The following CEP295 variants were observed in gnomAD, a reference collection of about 807,000 sequenced individuals.
The protein encoded by CEP295 is centrosomal protein of 295 kDa.
In CEP295, 190 loss-of-function variants were observed where a neutral mutation model predicts 291.6. The ratio of observed to expected loss-of-function variants is 0.65; its 90% CI spans 0.58 to 0.73. The LOEUF (loss-of-function observed/expected upper bound fraction) is 0.73. Ranked by LOEUF, CEP295 falls within the 30% of genes least tolerant of loss-of-function variation. The pLI is 0.00. For missense variants in CEP295, 2,863 were observed against 2,949.4 expected, an observed-to-expected ratio of 0.97 and a Z score of 0.68; for synonymous variants, 993 against 1,038.8, an observed-to-expected ratio of 0.96 and a Z score of 0.85.
At chr11:93,710,035 G>A (rs1952794798) in intron 18 of CEP295, among the ~76,000 whole-genome samples, 2 of 152,248 alleles carry the variant, frequency 1.3e-5, no homozygotes, top group East Asian at 1.9e-4. Context: ...TAGTTTTCTT[G>A]TGGAGTCTTT....
rs1042771884 is a variant in CEP295 at position 93,678,782 on chromosome 11, T to C, written c.625-630T>C. 5.3e-5 allele frequency among the ~76,000 whole-genome samples: 8 copies of C among 152,288 alleles called. No homozygotes were observed. In the East Asian group the frequency reaches 5.8e-4, roughly 11 times the overall value. ...AAAGTAAATCCAGACTCTGTGCCTCTTTCTCTTTTTTGTGTTATTTATGTT... is the reference window on the plus strand; with the variant it reads ...AAAGTAAATCCAGACTCTGTGCCTCCTTCTCTTTTTTGTGTTATTTATGTT... On this transcript the variant is annotated intron_variant, in intron 6 of 29. Transcript: ENST00000325212.
chr11:93,715,401 C>G (rs1953174387), intron 18 of CEP295, among the ~76,000 whole-genome samples: 1 of 152,034 alleles, frequency 6.6e-6, no homozygotes, highest in African/African-American at 2.4e-5. Context: ...CCTCTCTGAC[C>G]CAGGGTAGGT....
chr11:93,700,969 A>C (rs975868827), intron 15 of CEP295, among the ~76,000 whole-genome samples: 1 of 152,072 alleles, frequency 6.6e-6, no homozygotes, highest in Non-Finnish European at 1.5e-5. Context: ...TGCTGCTTTT[A>C]TCTGAATTGT....
intron 6 of CEP295, among the ~76,000 whole-genome samples, chr11:93,676,059 A>G (rs1356001160): frequency 2.0e-5 from 3 of 152,070 alleles, no homozygotes; most frequent in Non-Finnish European, 4.4e-5. Context: ...ATATAAACAT[A>G]TACACACACT....
At chr11:93,721,183 T>C (rs1408172076) in intron 18 of CEP295, 129 bp from the exon 19 acceptor site, 8 of 628,618 alleles carry the variant, frequency 1.3e-5, no homozygotes, top group Non-Finnish European at 2.3e-5. Flanking sequence ...ACAAGACAAC[T>C]TTAAGAAGCA....
chr11:93,662,737 T>C (rs1950044019), intron 1 of CEP295, among the ~76,000 whole-genome samples: 2 of 152,228 alleles, frequency 1.3e-5, no homozygotes, highest in Non-Finnish European at 2.9e-5. Flanking sequence ...CATCAATGGA[T>C]ACTAACGTCA....
chr11:93,726,679 ATTCTCTT>A (rs1268767621), intron 23 of CEP295: 1 of 237,176 alleles, frequency 4.2e-6, no homozygotes, highest in African/African-American at 2.3e-5. Context: ...TGGATGCTTT[ATTCTCTT>A]TTCTGTTATT....
chr11:93,727,840 C>T (rs1263453899), intron 24 of CEP295: 7 of 483,822 alleles, frequency 1.4e-5, no homozygotes, highest in Non-Finnish European at 2.5e-5. Flanking sequence ...AAACAAAATA[C>T]AAGCAAAACT....
At chr11:93,722,990 G>T in intron 20 of CEP295, 51 bp from the exon 21 acceptor site, 1 of 1,491,732 alleles carries the variant, frequency 6.7e-7, no homozygotes, top group South Asian at 1.3e-5. Context: ...TTACAGGCGT[G>T]AGCCATCACG....
intron 12 of CEP295, among the ~76,000 whole-genome samples, chr11:93,693,055 A>G (rs975606305): frequency 6.6e-6 from 1 of 151,576 alleles, no homozygotes; most frequent in Non-Finnish European, 1.5e-5. Context: ...AGGCGGGTGG[A>G]TCACGAGGTC....
chr11:93,713,682 T>G (rs1397094899), intron 18 of CEP295, among the ~76,000 whole-genome samples: 1 of 152,236 alleles, frequency 6.6e-6, no homozygotes, highest in Non-Finnish European at 1.5e-5. Flanking sequence ...TCTGTTCCTC[T>G]TGTACTTGAA....
chr11:93,724,750 G>C (rs773761119), intron 22 of CEP295, among the ~76,000 whole-genome samples: 131 of 151,986 alleles, frequency 8.6e-4, no homozygotes, highest in Non-Finnish European at 3.5e-4. Flanking sequence ...CTGGGTGACA[G>C]AGCCAGACCC....
chr11:93,718,849 G>A lies in CEP295; in HGVS notation c.5750-2463G>A, dbSNP rs1308462109. ...ATGTCAGCCAGGCACGGTGGCTCAC[G>A]CCTGTAATCCCAGCACTTAGGGAGG... On this transcript the variant is annotated intron_variant, in intron 18 of 29. Transcript: ENST00000325212. Among the ~76,000 whole-genome samples, 4 of 152,102 alleles carry A rather than the reference G, an allele frequency of 2.6e-5. No individual in the cohort carries two copies. In the East Asian group the frequency reaches 5.8e-4, roughly 22 times the overall value.
Position 93,697,092 on chromosome 11 carries a change from C to T in CEP295, c.2180C>T (p.Pro727Leu). ...ETQQRDYKLV[P>L]KDSETLSRAL... ...CAACAGAGAGACTATAAATTGGTCC[C>T]CAAAGATTCTGAGACACTTTCAAGG... Residue 727 changes from proline (P) to leucine (L), a missense_variant, in exon 15 of 30, where the codon CCC becomes CTC. By Grantham distance (98) the Pro-to-Leu change is moderately conservative. Around this residue, in one of 3 missense-constraint regions of CEP295, gnomAD observed 2,295 missense variants for 2,335.7 expected, o/e 0.98. Transcript: ENST00000325212. 6.4e-7 allele frequency: 1 copy of T among 1,551,610 alleles called. No homozygotes were observed. The highest frequency in any genetic ancestry group is 1.4e-5 in the African/African-American group (1 of 73,150).
In CEP295 at chr11:93,697,211, C is replaced by A. The variant is rs933620870; in HGVS notation, c.2299C>A (p.Gln767Lys). The A allele has an allele frequency of 4.5e-6, 7 of 1,551,660 alleles. No individual in the cohort carries two copies. In the Admixed American group the frequency reaches 9.8e-5, roughly 22 times the overall value. ...ATTFQSLESQ[Q>K]LFSENSENIS... ...AACTTTTCAAAGTTTAGAATCCCAA[C>A]AATTGTTCTCAGAGAATAGTGAAAA... The change falls in exon 15 of 30, where the codon CAA becomes AAA. Residue 767 changes from glutamine (Q) to lysine (K), a missense_variant. Physicochemically the swap from Gln to Lys is moderately conservative, Grantham distance 53. Coordinates refer to ENST00000325212, the MANE Select transcript of CEP295 (RefSeq NM_033395.2).
At chr11:93,662,550 A>G (rs183166466) in intron 1 of CEP295, among the ~76,000 whole-genome samples, 3 of 152,360 alleles carry the variant, frequency 2.0e-5, no homozygotes, top group Admixed American at 2.0e-4. Context: ...ATTGGATAGT[A>G]ATAAAATGTA....
intron 7 of CEP295, among the ~76,000 whole-genome samples, chr11:93,682,871 A>T (rs188784408): frequency 3.3e-5 from 5 of 151,876 alleles, no homozygotes; most frequent in African/African-American, 1.2e-4. Context: ...TCTTACATGT[A>T]CTCATTCTCT....
At position 93,698,670 on chromosome 11, in the gene CEP295, T is replaced by C; in HGVS notation, c.3758T>C (p.Leu1253Pro). Reference protein sequence around the residue: ...LLRVSQHMLPLQDNLEEHQAW... With the variant: ...LLRVSQHMLPPQDNLEEHQAW... ...AGAGTTTCACAACATATGCTACCTC[T>C]ACAAGATAATTTGGAGGAACACCAA... is the stretch of plus-strand genomic sequence containing the variant. Residue 1253 changes from leucine to proline, a missense_variant, in exon 15 of 30, where the codon CTA (leucine) becomes CCA (proline). Coordinates refer to ENST00000325212, the MANE Select transcript of CEP295 (RefSeq NM_033395.2). 2 of 1,550,750 alleles carry C rather than the reference T, an allele frequency of 1.3e-6. No homozygotes were observed. The highest frequency in any genetic ancestry group is 2.4e-5 in the South Asian group (2 of 84,052).
intron 12 of CEP295, among the ~76,000 whole-genome samples, chr11:93,693,193 T>G (rs4753101): frequency 0.9 from 136,708 of 151,234 alleles, 62,877 homozygotes; most frequent in Non-Finnish European, 0.99. Context: ...AGGAGAATGG[T>G]GTGAACCCGG....
Sources: gnomAD v4.1 joint callset for allele counts (sites outside exome capture counted in the v4.1 genomes callset) on GRCh38, gnomAD v4.1.1 for gene constraint, gnomAD v4.1.1 regional missense constraint, MANE v1.5 for transcripts, NCBI Gene and HGNC (gene_info 2026-07-23, HGNC 2026-07-21) for gene names.